KSR2: variants seen among roughly 807,000 people sequenced by gnomAD.
KSR2 encodes kinase suppressor of ras 2.
In KSR2, 25 loss-of-function variants were observed where a neutral mutation model predicts 107.8. That is an observed-to-expected ratio of 0.23 (90% CI 0.17 to 0.32). The LOEUF (loss-of-function observed/expected upper bound fraction) is 0.32, where lower values mean the gene tolerates loss of function less well. Among genes scored for constraint, KSR2 ranks in the 10% least tolerant of loss-of-function variants. The probability of loss-of-function intolerance (pLI) is 1.00; values close to 1 mark genes in which losing one functional copy is unlikely to be tolerated. For synonymous variants in KSR2, 480 were observed against 507.0 expected, an observed-to-expected ratio of 0.95 and a Z score of 0.71; for missense variants, 887 against 1,268.9, an observed-to-expected ratio of 0.70 and a Z score of 4.57.
At position 117,870,327 on chromosome 12, in the gene KSR2, G is replaced by A. The variant is rs370977282; in HGVS notation, c.181-9896C>T. 1.2e-3 allele frequency among the ~76,000 whole-genome samples: 190 copies of A among 152,310 alleles called. 1 individual carries two copies. Among genetic ancestry groups the A allele is most frequent in the African/African-American group, 4.0e-3 (168 of 41,552 alleles). On this transcript the variant is annotated intron_variant, in intron 1 of 19. Transcript: ENST00000339824. ...TTACATAAGATATTCTCAGCCAGAC[G>A]TGGTGGCTCACACCTTTAATCTCAA...
At chr12:117,675,706 C>A (rs868815029) in intron 4 of KSR2, among the ~76,000 whole-genome samples, 2 of 152,182 alleles carry the variant, frequency 1.3e-5, no homozygotes, top group South Asian at 4.1e-4. Context: ...CCTCCTCGAG[C>A]GTGTGGGTTG....
At chr12:117,594,799 A>C (rs1396554193) in intron 5 of KSR2, among the ~76,000 whole-genome samples, 1 of 152,198 alleles carries the variant, frequency 6.6e-6, no homozygotes, top group African/African-American at 2.4e-5. Flanking sequence ...GTTGATCCCT[A>C]GGGGACATTT....
intron 5 of KSR2, among the ~76,000 whole-genome samples, chr12:117,596,984 C>T (rs1880686578): frequency 6.6e-6 from 1 of 152,216 alleles, no homozygotes; most frequent in African/African-American, 2.4e-5. Context: ...ATTTTAGCCT[C>T]TTCCATACAC....
At chr12:117,512,925 G>A (rs1408621923) in intron 14 of KSR2, among the ~76,000 whole-genome samples, 1 of 152,116 alleles carries the variant, frequency 6.6e-6, no homozygotes, top group Admixed American at 6.5e-5. Context: ...TCTGGGCACT[G>A]GACATCTAGA....
intron 3 of KSR2, among the ~76,000 whole-genome samples, chr12:117,775,429 C>T (rs997698402): frequency 1.3e-5 from 2 of 152,218 alleles, no homozygotes; most frequent in African/African-American, 4.8e-5. Context: ...TTACTGTGGG[C>T]TGGGCTTTTG....
Position 117,476,572 on chromosome 12 carries a change from T to G in KSR2, c.2474A>C (p.Gln825Pro). The change falls in exon 17 of 20, where the codon CAG (glutamine) becomes CCG (proline). Residue 825 changes from glutamine (Q) to proline (P), a missense_variant. Gln to Pro is a moderately conservative substitution (Grantham distance 76, BLOSUM62 -1). Coordinates refer to ENST00000339824, the MANE Select transcript of KSR2 (RefSeq NM_173598.6). ...TGCCAGGTGGCATAGCCAGCCATTC[T>G]GGATGCGCAGTTTGTCCTCCCGCCT... ...AGRREDKLRI[Q>P]NGWLCHLAPE... The G allele has an allele frequency of 6.2e-7, 1 of 1,611,802 alleles. No individual in the cohort carries two copies. Among genetic ancestry groups the G allele is most frequent in the Non-Finnish European group, 8.5e-7 (1 of 1,179,118 alleles).
At chr12:117,695,026 T>C (rs1257739585) in intron 4 of KSR2, among the ~76,000 whole-genome samples, 1 of 151,942 alleles carries the variant, frequency 6.6e-6, no homozygotes, top group Non-Finnish European at 1.5e-5. Flanking sequence ...AATTTTTGTA[T>C]TTTTAGTAGA....
chr12:117,856,461 TTTTTTTG>T (rs1383428299), intron 2 of KSR2, among the ~76,000 whole-genome samples: 1 of 152,166 alleles, frequency 6.6e-6, no homozygotes. Flanking sequence ...GTTTTTTGCC[TTTTTTTG>T]TTTTTTGTTT....
intron 17 of KSR2, 43 bp from the exon 18 acceptor site, chr12:117,471,363 A>T: frequency 6.3e-7 from 1 of 1,595,450 alleles, no homozygotes. Context: ...GTGGTGTGTC[A>T]CTTGCAACCT....
chr12:117,690,667 G>A (rs931524695), intron 4 of KSR2, among the ~76,000 whole-genome samples: 1 of 152,182 alleles, frequency 6.6e-6, no homozygotes, highest in African/African-American at 2.4e-5. Flanking sequence ...CCCTTGTCAT[G>A]AGCATGTGTA....
At chr12:117,467,800 C>T (rs1184941036) in intron 19 of KSR2, 2 of 427,866 alleles carry the variant, frequency 4.7e-6, no homozygotes, top group Admixed American at 5.7e-5. Context: ...GTGTCTAGCA[C>T]ATAAAAGATG....
At chr12:117,962,764 A>G (rs1896694444) in intron 1 of KSR2, among the ~76,000 whole-genome samples, 1 of 151,536 alleles carries the variant, frequency 6.6e-6, no homozygotes, top group Admixed American at 6.6e-5. Flanking sequence ...TGTTTTTGTA[A>G]GGCCCAGAAA....
At chr12:117,859,461 A>ATTT (rs35142684) in intron 2 of KSR2, among the ~76,000 whole-genome samples, 5 of 130,644 alleles carry the variant, frequency 3.8e-5, no homozygotes, top group African/African-American at 1.2e-4. Context: ...TTTTTTATTT[A>ATTT]TTTTTTTTTT....
intron 4 of KSR2, among the ~76,000 whole-genome samples, chr12:117,677,813 T>C (rs1885198143): frequency 6.6e-6 from 1 of 152,200 alleles, no homozygotes; most frequent in South Asian, 2.1e-4. Flanking sequence ...CCTAGAAAAA[T>C]GTCTGACGCA....
At chr12:117,713,632 A>G (rs1886875191) in intron 4 of KSR2, among the ~76,000 whole-genome samples, 1 of 151,572 alleles carries the variant, frequency 6.6e-6, no homozygotes, top group Admixed American at 6.6e-5. Flanking sequence ...TAAAATAGGA[A>G]AAGTGAGGGA....
Position 117,454,020 on chromosome 12 carries a change from AT to A in KSR2, c.*13178del, listed in dbSNP as rs1456043067. ...TCCCCATGTTCACCAGGACACAAAT[AT>A]CTAAATAAATGGGTAACACCCACCA... On this transcript the variant is annotated 3_prime_UTR_variant, in exon 20 of 20. Transcript: ENST00000339824. 1 of 152,022 alleles carries A rather than the reference AT, an allele frequency of 6.6e-6. No individual in the cohort carries two copies. Among genetic ancestry groups the A allele is most frequent in the African/African-American group, 2.4e-5 (1 of 41,386 alleles). 9.4% of individuals were successfully genotyped at this position (152,022 alleles called of 1,614,324 possible). A position where few individuals can be genotyped will look rare whatever the true frequency, so the allele number is the denominator to read the frequency against.
Position 117,907,905 on chromosome 12 carries a change from T to A in KSR2, c.181-47474A>T, listed in dbSNP as rs1038087230. Among the ~76,000 whole-genome samples, 1 of 152,002 alleles carries A rather than the reference T, an allele frequency of 6.6e-6. No individual in the cohort carries two copies. Among genetic ancestry groups the A allele is most frequent in the African/African-American group, 2.4e-5 (1 of 41,386 alleles). On this transcript the variant is annotated intron_variant, in intron 1 of 19. Coordinates refer to ENST00000339824, the MANE Select transcript of KSR2 (RefSeq NM_173598.6). This position sits in a 1 kb window ranked among gnomAD's most constrained non-coding sequence, Gnocchi z 4.3. ...CAAAATAATCACACTGCTTGTCTTA[T>A]AGAGAGAAAAAAATCAACTAGAAGT...
chr12:117,695,560 A>T (rs11068632), intron 4 of KSR2, among the ~76,000 whole-genome samples: 46,777 of 149,450 alleles, frequency 0.31, 7,806 homozygotes, highest in African/African-American at 0.42. Context: ...AAAAAAAAAA[A>T]ATTAGCTGGA....
At chr12:117,702,985 G>A (rs1886384634) in intron 4 of KSR2, among the ~76,000 whole-genome samples, 1 of 152,206 alleles carries the variant, frequency 6.6e-6, no homozygotes, top group African/African-American at 2.4e-5. Context: ...AGTGAGGAAG[G>A]ACAGTTTTCC....
Sources: gnomAD v4.1 joint callset for allele counts (sites outside exome capture counted in the v4.1 genomes callset) on GRCh38, gnomAD v4.1.1 for gene constraint, Gnocchi (gnomAD v3.1) non-coding constraint, MANE v1.5 for transcripts, NCBI Gene and HGNC (gene_info 2026-07-23, HGNC 2026-07-21) for gene names.